The following SRCIN1 variants were observed in gnomAD, a reference collection of about 807,000 sequenced individuals.
The protein encoded by SRCIN1 is P130Cas-associated protein.
A neutral mutation model predicts 116.2 loss-of-function variants in SRCIN1; 50 were observed. The ratio of observed to expected loss-of-function variants is 0.43; its 90% CI spans 0.34 to 0.54. The LOEUF (loss-of-function observed/expected upper bound fraction) is 0.54, where lower values mean the gene tolerates loss of function less well. Among genes scored for constraint, SRCIN1 ranks in the 20% least tolerant of loss-of-function variants. The pLI is 0.02. For synonymous variants in SRCIN1, 736 were observed against 750.0 expected (o/e 0.98, Z 0.30); for missense variants, 1,446 against 1,672.0 (o/e 0.86, Z 2.36).
intron 10 of SRCIN1, chr17:38,559,336 G>A (rs936778206): frequency 1.8e-6 from 1 of 550,846 alleles, no homozygotes; most frequent in Non-Finnish European, 3.2e-6. Context: ...GGAGAAGGAG[G>A]GCTCAATGAG....
Position 38,585,509 on chromosome 17 carries a change from CCCG to C in SRCIN1, c.23-6721_23-6719del, listed in dbSNP as rs1417570839. On this transcript the variant is annotated intron_variant, in intron 1 of 18. Transcript: ENST00000617146. This position sits in a 1 kb window ranked among gnomAD's most constrained non-coding sequence, Gnocchi z 4.2. ...TCAAACTAGGCAGAGGCTCTGGGAA[CCCG>C]AATTAGGAGAGGGGATCCTTTGCTT... Among the ~76,000 whole-genome samples the C allele has an allele frequency of 6.6e-6, 1 of 152,168 alleles. No individual in the cohort carries two copies. The highest frequency in any genetic ancestry group is 1.5e-5 in the Non-Finnish European group (1 of 68,016).
intron 18 of SRCIN1, among the ~76,000 whole-genome samples, chr17:38,538,431 AAATAATAAT>A (rs1555604571): frequency 6.5e-5 from 9 of 138,568 alleles, no homozygotes; most frequent in African/African-American, 2.4e-4. Flanking sequence ...AAAAAAAAAA[AAATAATAAT>A]AATAATAATA....
chr17:38,580,855 G>A (rs9909381), intron 1 of SRCIN1, among the ~76,000 whole-genome samples: 8,398 of 152,122 alleles, frequency 0.055, 760 homozygotes, highest in African/African-American at 0.19. Context: ...TTTTCTGGGG[G>A]GACAGGGTCT....
intron 18 of SRCIN1, among the ~76,000 whole-genome samples, chr17:38,535,269 C>T (rs1428316037): frequency 6.4e-5 from 9 of 140,442 alleles, no homozygotes; most frequent in African/African-American, 2.2e-4. Context: ...AGTACAATGG[C>T]GCAATCTTGG....
At chr17:38,606,115 T>C (rs1909357215), upstream of SRCIN1, among the ~76,000 whole-genome samples, 1 of 149,832 alleles carries the variant, frequency 6.7e-6, no homozygotes, top group African/African-American at 2.5e-5. This position sits in a 1 kb window ranked among gnomAD's most constrained non-coding sequence, Gnocchi z 5.2. Context: ...CACCGCGTGA[T>C]CCCGCAGCGC....
Position 38,604,457 on chromosome 17 carries a change from A to G in SRCIN1, c.22+1227T>C. 1 of 450,674 alleles carries G rather than the reference A, an allele frequency of 2.2e-6. No homozygotes were observed. Among genetic ancestry groups the G allele is most frequent in the East Asian group, 7.3e-5 (1 of 13,674 alleles). The allele number at this position is 450,674 out of a possible 1,614,324, so 27.9% of individuals were successfully genotyped here. ...GGGCTGGGAAGATCCCCCTCCTTGC[A>G]TACTTCCCCGCGCCTGCTCACCTGG... is the stretch of plus-strand genomic sequence containing the variant. On this transcript the variant is annotated intron_variant, in intron 1 of 18. Coordinates refer to ENST00000617146, the MANE Select transcript of SRCIN1 (RefSeq NM_025248.3). This position sits in a 1 kb window ranked among gnomAD's most constrained non-coding sequence, Gnocchi z 4.3.
In SRCIN1 at chr17:38,562,943, G is replaced by A. The variant is rs756702452; in HGVS notation, c.741-23C>T. 8.3e-6 allele frequency: 13 copies of A among 1,574,336 alleles called. No individual in the cohort carries two copies. Among genetic ancestry groups the A allele is most frequent in the African/African-American group, 1.3e-5 (1 of 74,226 alleles). On this transcript the variant is annotated intron_variant, in intron 5 of 18. Coordinates refer to ENST00000617146, the MANE Select transcript of SRCIN1 (RefSeq NM_025248.3). This position sits in a 1 kb window ranked among gnomAD's most constrained non-coding sequence, Gnocchi z 4.2. The stretch of plus-strand genomic sequence containing the variant: ...TCCCTGGGAGAGGCGGGGAGACGGG[G>A]GTCACCACCCATCCCCCAGCTGTGC...
chr17:38,542,353 C>T (rs535783007), intron 18 of SRCIN1: 1 of 152,962 alleles, frequency 6.5e-6, no homozygotes, highest in African/African-American at 2.4e-5. Context: ...GCCGTGTGGC[C>T]TTGGATTAAG....
chr17:38,601,332 C>G (rs910308175), intron 1 of SRCIN1, among the ~76,000 whole-genome samples: 3 of 152,192 alleles, frequency 2.0e-5, no homozygotes, highest in Non-Finnish European at 2.9e-5. Flanking sequence ...GGGCTCCAGG[C>G]AGGCCCATCA....
chr17:38,605,992 G>A (rs1004532469), upstream of SRCIN1: 1 of 143,940 alleles, frequency 6.9e-6, no homozygotes, highest in Non-Finnish European at 1.5e-5. Flanking sequence ...ACTGCGGGCG[G>A]GCGCGCGCGC....
chr17:38,588,055 T>G (rs1172431942), intron 1 of SRCIN1, among the ~76,000 whole-genome samples: 3 of 123,460 alleles, frequency 2.4e-5, no homozygotes, highest in African/African-American at 1.2e-4. Flanking sequence ...TCATTTGCTT[T>G]AACAAAAAAA....
At position 38,552,246 on chromosome 17, in the gene SRCIN1, G is replaced by A. The variant is rs1345922223; in HGVS notation, c.2481-114C>T. ...GGCAGGCTCTGGGATGCTGTGGGAG[G>A]GCCTGGGGAGGAGTGACTGCCCCTG... On this transcript the variant is annotated intron_variant, in intron 13 of 18. Coordinates refer to ENST00000617146, the MANE Select transcript of SRCIN1 (RefSeq NM_025248.3). This position sits in a 1 kb window ranked among gnomAD's most constrained non-coding sequence, Gnocchi z 5.3. 3 of 1,481,666 alleles carry A rather than the reference G, an allele frequency of 2.0e-6. No homozygotes were observed. Among genetic ancestry groups the A allele is most frequent in the South Asian group, 1.3e-5 (1 of 74,698 alleles). The allele number at this position is 1,481,666 out of a possible 1,614,324, so 91.8% of individuals were successfully genotyped here.
chr17:38,551,960 G>C lies in SRCIN1; in HGVS notation c.2653C>G (p.Pro885Ala), dbSNP rs776427338. 2 of 1,614,078 alleles carry C rather than the reference G, an allele frequency of 1.2e-6. No individual in the cohort carries two copies. Among genetic ancestry groups the C allele is most frequent in the South Asian group, 2.2e-5 (2 of 91,090 alleles). The change falls in exon 14 of 19, where the codon CCC becomes GCC. Residue 885 changes from proline to alanine, a missense_variant. Physicochemically the swap from Pro to Ala is conservative, Grantham distance 27 (BLOSUM62 -1). Coordinates refer to ENST00000617146, the MANE Select transcript of SRCIN1 (RefSeq NM_025248.3). ...SGPAEGASLT[P>A]KGGNPTKGLD... ...CCTTTGGTGGGGTTGCCCCCCTTGG[G>C]GGTAAGAGAGGCTCCTTCAGCTGGC... is the stretch of plus-strand genomic sequence containing the variant.
At chr17:38,587,632 A>G (rs1908186006) in intron 1 of SRCIN1, among the ~76,000 whole-genome samples, 1 of 151,968 alleles carries the variant, frequency 6.6e-6, no homozygotes, top group African/African-American at 2.4e-5. Flanking sequence ...CCCAGAAAGC[A>G]GCTGCCTGGG....
chr17:38,540,020 CAAAAAAAAAAA>C (rs71138631), intron 18 of SRCIN1, among the ~76,000 whole-genome samples: 8 of 60,986 alleles, frequency 1.3e-4, no homozygotes, highest in East Asian at 7.6e-4. Flanking sequence ...GACTCCATCT[CAAAAAAAAAAA>C]AAAAAAAAAA....
rs998604465 is a variant in SRCIN1 at position 38,543,980 on chromosome 17, A to G, written c.3271-11T>C. ...ACTGCCTCCGCCACTCTGCAGGAAG[A>G]GGAACAGGGTTGCAGTTGCAGAGTC... On this transcript the variant is annotated splice_polypyrimidine_tract_variant and intron_variant, in intron 17 of 18. Transcript: ENST00000617146. 1.3e-6 allele frequency: 2 copies of G among 1,574,518 alleles called. No homozygotes were observed. The highest frequency in any genetic ancestry group is 2.7e-5 in the African/African-American group (2 of 74,422).
intron 18 of SRCIN1, among the ~76,000 whole-genome samples, chr17:38,534,032 C>A (rs1357545860): frequency 6.6e-6 from 1 of 152,210 alleles, no homozygotes; most frequent in Non-Finnish European, 1.5e-5. Context: ...CAGCCTCCCG[C>A]CCAGTGCAGG....
chr17:38,577,810 C>G (rs904030941), intron 2 of SRCIN1, among the ~76,000 whole-genome samples: 6 of 152,160 alleles, frequency 3.9e-5, no homozygotes, highest in African/African-American at 1.2e-4. Flanking sequence ...CCATCCCACT[C>G]GCTATAGAAG....
intron 2 of SRCIN1, among the ~76,000 whole-genome samples, chr17:38,570,823 A>G (rs1907035254): frequency 6.6e-6 from 1 of 152,242 alleles, no homozygotes; most frequent in South Asian, 2.1e-4. Flanking sequence ...CATCAGTGCC[A>G]TAGGAAAGGC....
Sources: gnomAD v4.1 joint callset for allele counts (sites outside exome capture counted in the v4.1 genomes callset) on GRCh38, gnomAD v4.1.1 for gene constraint, Gnocchi (gnomAD v3.1) non-coding constraint, MANE v1.5 for transcripts, NCBI Gene and HGNC (gene_info 2026-07-23, HGNC 2026-07-21) for gene names.